RANGAP1: variants seen among roughly 807,000 people sequenced by gnomAD.
RANGAP1 encodes Ran GTPase activating protein 1.
Under a neutral mutation model 63.5 loss-of-function variants are expected in RANGAP1, and 38 were observed. The ratio of observed to expected loss-of-function variants is 0.60; its 90% CI spans 0.46 to 0.78. The LOEUF (loss-of-function observed/expected upper bound fraction) is 0.78. RANGAP1 is among the 30% of genes least tolerant of loss of function. RANGAP1 has a pLI of 0.00. For synonymous variants in RANGAP1, 329 were observed against 310.5 expected (o/e 1.06, Z -0.63); for missense variants, 630 against 740.3 (o/e 0.85, Z 1.73).
chr22:41,294,057 C>CGGTCTCCCTCTCCCTCTCTTTCCAA, the RANGAP1 span, among the ~76,000 whole-genome samples: 1 of 136,682 alleles, frequency 7.3e-6, no homozygotes, highest in Non-Finnish European at 1.6e-5. Context: ...CCTCTCCCCA[C>CGGTCTCCCTCTCCCTCTCTTTCCAA]GGTCTCCCTC....
upstream of RANGAP1, among the ~76,000 whole-genome samples, chr22:41,289,282 G>C (rs1402624776): frequency 6.6e-6 from 1 of 152,034 alleles, no homozygotes; most frequent in African/African-American, 2.4e-5. Flanking sequence ...AAAAGGAACA[G>C]GGGGTTTGCC....
At chr22:41,285,290 C>T (rs2035696845) in intron 1 of RANGAP1, 1 of 162,354 alleles carries the variant, frequency 6.2e-6, no homozygotes, top group Non-Finnish European at 1.3e-5. Context: ...AGGGACAGAA[C>T]TTCTCAGCTG....
chr22:41,278,615 G>A (rs1424902602), intron 2 of RANGAP1, among the ~76,000 whole-genome samples: 1 of 152,246 alleles, frequency 6.6e-6, no homozygotes, highest in Non-Finnish European at 1.5e-5. Context: ...CTGAACCTCT[G>A]TGAAAATCCT....
chr22:41,249,535 T>C lies in RANGAP1; in HGVS notation c.1573-84A>G. On this transcript the variant is annotated intron_variant, in intron 14 of 15. Coordinates refer to ENST00000356244, the MANE Select transcript of RANGAP1 (RefSeq NM_002883.4). ...GACTCCACCATCCAGACTCTGCTGA[T>C]AGTGCCCACAACTGAGTCTAGCCGG... is the stretch of plus-strand genomic sequence containing the variant. 1.9e-6 allele frequency: 3 copies of C among 1,587,222 alleles called. No homozygotes were observed. The South Asian group carries it at 3.3e-5, about 18-fold the overall frequency.
chr22:41,278,044 T>TG lies in RANGAP1; in HGVS notation c.112+2888_112+2889insC, dbSNP rs1216642801. ...CAGAGCCAGCCAAACTTGAGTTTTT[T>TG]TTTTTTTTTTTTGAGATAGTCTCGT... On this transcript the variant is annotated intron_variant, in intron 2 of 15. Coordinates refer to ENST00000356244, the MANE Select transcript of RANGAP1 (RefSeq NM_002883.4). 6.6e-4 allele frequency among the ~76,000 whole-genome samples: 99 copies of TG among 151,064 alleles called. 1 individual carries two copies. Among genetic ancestry groups the TG allele is most frequent in the Non-Finnish European group, 9.3e-4 (63 of 67,764 alleles).
intron 15 of RANGAP1, among the ~76,000 whole-genome samples, chr22:41,247,057 C>G (rs1340636198): frequency 6.6e-6 from 1 of 151,800 alleles, no homozygotes; most frequent in Non-Finnish European, 1.5e-5. Flanking sequence ...TTTTCTTTTT[C>G]TTTTTCTTTT....
intron 4 of RANGAP1, among the ~76,000 whole-genome samples, chr22:41,266,266 C>A (rs980245695): frequency 5.3e-5 from 8 of 152,140 alleles, no homozygotes; most frequent in African/African-American, 1.7e-4. Flanking sequence ...TGCTCAAACA[C>A]CCTGTGCCTA....
chr22:41,245,487 C>A lies in RANGAP1; in HGVS notation c.*1116G>T, dbSNP rs1601567977. On this transcript the variant is annotated 3_prime_UTR_variant, in exon 16 of 16. Transcript: ENST00000356244. Reference sequence around the variant, plus strand: ...CCAGGTAGTGGCCTGAGGCCGAGGCCGGGCCCTTCTGCAGGGCTGACTGCC... The same window carrying A: ...CCAGGTAGTGGCCTGAGGCCGAGGCAGGGCCCTTCTGCAGGGCTGACTGCC... The A allele has an allele frequency of 6.6e-6, 1 of 152,458 alleles. No homozygotes were observed. Among genetic ancestry groups the A allele is most frequent in the Middle Eastern group, 3.4e-3 (1 of 296 alleles). The allele number at this position is 152,458 out of a possible 1,614,324, so 9.4% of individuals were successfully genotyped here.
chr22:41,287,371 GT>G (rs148508883), upstream of RANGAP1, among the ~76,000 whole-genome samples: 9 of 101,688 alleles, frequency 8.9e-5, no homozygotes, highest in Middle Eastern at 5.0e-3. Flanking sequence ...CACAAACAGC[GT>G]TTTTTTTTTG....
chr22:41,274,251 T>C (rs1012234345), intron 3 of RANGAP1, among the ~76,000 whole-genome samples: 9 of 152,198 alleles, frequency 5.9e-5, no homozygotes, highest in African/African-American at 1.7e-4. Flanking sequence ...AGAGGGTGGG[T>C]CTGTCAGAGC....
At chr22:41,262,295 A>G (rs572765122) in intron 5 of RANGAP1, among the ~76,000 whole-genome samples, 50 of 152,302 alleles carry the variant, frequency 3.3e-4, no homozygotes, top group Admixed American at 2.7e-3. Context: ...ACCGATGGGA[A>G]TCAGAGCCCA....
chr22:41,249,222 A>C, intron 15 of RANGAP1, 108 bp downstream of exon 15: 1 of 1,420,796 alleles, frequency 7.0e-7, no homozygotes, highest in Non-Finnish European at 9.3e-7. Flanking sequence ...GAGTGGGGCC[A>C]GCAGGCTGGC....
chr22:41,271,723 A>G (rs139526), intron 3 of RANGAP1, among the ~76,000 whole-genome samples: 58,948 of 150,914 alleles, frequency 0.39, 12,148 homozygotes, highest in Middle Eastern at 0.46. Context: ...TTGGGCTGAC[A>G]CCTGGACTCC....
intron 4 of RANGAP1, among the ~76,000 whole-genome samples, chr22:41,266,792 C>G (rs188506815): frequency 6.6e-4 from 101 of 152,330 alleles, no homozygotes; most frequent in Non-Finnish European, 1.3e-3. Context: ...CACCGCCCCC[C>G]ACCTTGGCCT....
intron 7 of RANGAP1, 130 bp from the exon 8 acceptor site, chr22:41,256,954 G>C: frequency 3.0e-6 from 2 of 671,006 alleles, no homozygotes; most frequent in Non-Finnish European, 5.1e-6. Context: ...CAAGTCACCA[G>C]CTTTGCCGTC....
chr22:41,250,571 G>A (rs79405540), intron 13 of RANGAP1, among the ~76,000 whole-genome samples: 2,391 of 152,266 alleles, frequency 0.016, 57 homozygotes, highest in African/African-American at 0.055. Flanking sequence ...ATGGGCTGGT[G>A]CTCCAAGGAA....
chr22:41,269,961 G>T (rs369497016), intron 3 of RANGAP1, among the ~76,000 whole-genome samples: 177 of 152,158 alleles, frequency 1.2e-3, no homozygotes, highest in African/African-American at 3.9e-3. Context: ...AGTCTCCCAA[G>T]TAGCTGGGAT....
chr22:41,251,022 C>A lies in RANGAP1; in HGVS notation c.1468G>T (p.Val490Leu). 6.2e-7 allele frequency: 1 copy of A among 1,614,186 alleles called. No homozygotes were observed. Reference sequence around the variant, plus strand: ...CCCACATTACCTACTGCATCCTGCACTGCCATCCTCACAGTAGCTTCGTCC... The same window carrying A: ...CCCACATTACCTACTGCATCCTGCAATGCCATCCTCACAGTAGCTTCGTCC... ...FKDEATVRMAVQDAVDALMQK... is the reference protein window; with the variant it reads ...FKDEATVRMALQDAVDALMQK... The change falls in exon 13 of 16, where the codon GTG (valine) becomes TTG (leucine). Residue 490 changes from valine to leucine, a missense_variant. Val to Leu is a conservative substitution (Grantham distance 32). Around this residue, in one of 3 missense-constraint regions of RANGAP1, gnomAD observed 428 missense variants for 465.5 expected, o/e 0.92. Transcript: ENST00000356244.
chr22:41,274,844 G>A (rs1185499281), intron 2 of RANGAP1, 117 bp from the exon 3 acceptor site: 3 of 1,308,920 alleles, frequency 2.3e-6, no homozygotes, highest in Non-Finnish European at 2.1e-6. Flanking sequence ...ACCATGCAAT[G>A]AGCCTTGGCT....
Sources: gnomAD v4.1 joint callset for allele counts (sites outside exome capture counted in the v4.1 genomes callset) on GRCh38, gnomAD v4.1.1 for gene constraint, gnomAD v4.1.1 regional missense constraint, MANE v1.5 for transcripts, NCBI Gene and HGNC (gene_info 2026-07-23, HGNC 2026-07-21) for gene names.